TUT4: variants seen among roughly 807,000 people sequenced by gnomAD.
TUT4 encodes terminal uridylyl transferase 4.
In TUT4, 36 loss-of-function variants were observed where a neutral mutation model predicts 192.2. That is an observed-to-expected ratio of 0.19 (90% CI 0.14 to 0.25). The LOEUF (loss-of-function observed/expected upper bound fraction) is 0.25, where lower values mean the gene tolerates loss of function less well. Ranked by LOEUF, TUT4 falls within the 10% of genes least tolerant of loss-of-function variation. TUT4 has a pLI of 1.00. For missense variants in TUT4, 1,493 were observed against 1,957.2 expected (o/e 0.76, Z 4.47); for synonymous variants, 618 against 666.0 (o/e 0.93, Z 1.11).
intron 4 of TUT4, among the ~76,000 whole-genome samples, chr1:52,506,628 C>T (rs538576961): frequency 3.3e-5 from 5 of 152,148 alleles, no homozygotes; most frequent in South Asian, 2.1e-4. Context: ...TCTTAGATGT[C>T]GTAGTTTTCG....
At chr1:52,461,103 C>T (rs770973932) in intron 19 of TUT4, 31 bp downstream of exon 19, 3 of 1,490,562 alleles carry the variant, frequency 2.0e-6, no homozygotes, top group South Asian at 1.3e-5. Flanking sequence ...TTATCATGAA[C>T]AAAGCAGATC....
chr1:52,509,484 T>C (rs1676514288), intron 4 of TUT4, 112 bp downstream of exon 4: 1 of 688,290 alleles, frequency 1.5e-6, no homozygotes, highest in Non-Finnish European at 2.4e-6. Context: ...TCACTTCAGT[T>C]ACCAATATAA....
At chr1:52,505,845 G>A (rs764647547) in intron 4 of TUT4, among the ~76,000 whole-genome samples, 2 of 150,496 alleles carry the variant, frequency 1.3e-5, no homozygotes, top group Non-Finnish European at 3.0e-5. Flanking sequence ...TTTTGTTTTT[G>A]TTGTTTTTTG....
intron 12 of TUT4, among the ~76,000 whole-genome samples, chr1:52,476,303 A>C (rs928959419): frequency 6.6e-6 from 1 of 152,218 alleles, no homozygotes; most frequent in African/African-American, 2.4e-5. Flanking sequence ...AGAGCAAAAA[A>C]GCAAGAAACC....
At chr1:52,525,437 T>C in intron 2 of TUT4, 126 bp downstream of exon 2, 4 of 1,257,170 alleles carry the variant, frequency 3.2e-6, no homozygotes, top group East Asian at 2.6e-5. Context: ...AATGTGGATG[T>C]TTTCATACGG....
chr1:52,450,325 A>G (rs556992388), intron 20 of TUT4, among the ~76,000 whole-genome samples: 1 of 152,346 alleles, frequency 6.6e-6, no homozygotes, highest in African/African-American at 2.4e-5. Context: ...CCATTAAAAA[A>G]GGCCAGAAAC....
chr1:52,472,174 A>T, intron 13 of TUT4, 72 bp from the exon 14 acceptor site: 10 of 1,398,508 alleles, frequency 7.2e-6, no homozygotes, highest in Non-Finnish European at 9.7e-6. Context: ...AGTGAATTCA[A>T]AACAAATCTT....
chr1:52,521,037 G>A (rs71653041), intron 2 of TUT4, among the ~76,000 whole-genome samples: 10 of 152,000 alleles, frequency 6.6e-5, no homozygotes, highest in African/African-American at 1.9e-4. Flanking sequence ...CAGGTGATCC[G>A]CCTGCCTCGG....
intron 1 of TUT4, among the ~76,000 whole-genome samples, chr1:52,528,881 A>T (rs1682577325): frequency 6.6e-6 from 1 of 151,038 alleles, no homozygotes; most frequent in East Asian, 1.9e-4. Flanking sequence ...CACCTGGCTA[A>T]TTTTTTTTTG....
chr1:52,494,482 A>G (rs1671969924), intron 6 of TUT4, among the ~76,000 whole-genome samples: 1 of 152,210 alleles, frequency 6.6e-6, no homozygotes, highest in African/African-American at 2.4e-5. Context: ...ACCTGAGGTC[A>G]GGAGTTCAAC....
intron 20 of TUT4, among the ~76,000 whole-genome samples, chr1:52,455,739 G>C (rs975481899): frequency 6.6e-6 from 1 of 151,124 alleles, no homozygotes; most frequent in African/African-American, 2.4e-5. Context: ...AGGAAAGAAA[G>C]AAAGACTACT....
At chr1:52,435,137 AAG>A (rs1653356529) in intron 27 of TUT4, 2 of 324,514 alleles carry the variant, frequency 6.2e-6, no homozygotes, top group Non-Finnish European at 5.6e-6. Context: ...TGTACAATTG[AAG>A]AGTAGGCTCA....
intron 1 of TUT4, chr1:52,534,987 C>T (rs1039210923): frequency 6.6e-6 from 1 of 152,100 alleles, no homozygotes; most frequent in Non-Finnish European, 1.5e-5. Flanking sequence ...TTTTACTGAC[C>T]TGTTTTTTTC....
intron 7 of TUT4, among the ~76,000 whole-genome samples, chr1:52,491,472 G>A (rs1217838677): frequency 1.3e-5 from 2 of 151,934 alleles, no homozygotes; most frequent in Non-Finnish European, 2.9e-5. Flanking sequence ...GGTGGATCAC[G>A]AGGTCAGGAG....
At chr1:52,463,554 C>T in intron 16 of TUT4, 1 of 1,199,592 alleles carries the variant, frequency 8.3e-7, no homozygotes, top group Non-Finnish European at 1.1e-6. Context: ...AGAGGCGATA[C>T]TGACACCACT....
intron 11 of TUT4, among the ~76,000 whole-genome samples, chr1:52,479,614 G>C (rs532291304): frequency 2.0e-5 from 3 of 152,262 alleles, no homozygotes; most frequent in Admixed American, 2.0e-4. Flanking sequence ...AAAGGATGCA[G>C]TGCAAACAAT....
At chr1:52,438,142 T>C in intron 25 of TUT4, 78 bp downstream of exon 25, 4 of 1,154,362 alleles carry the variant, frequency 3.5e-6, no homozygotes, top group East Asian at 2.4e-5. Context: ...CAGTTAAACA[T>C]TTCTGAACAT....
At chr1:52,446,180 C>G (rs1657468069) in intron 22 of TUT4, 85 bp downstream of exon 22, 2 of 1,420,272 alleles carry the variant, frequency 1.4e-6, no homozygotes, top group Non-Finnish European at 1.9e-6. Flanking sequence ...AAGAATCTTC[C>G]AAATCCTAAT....
rs1311472114 is a variant in TUT4 at position 52,475,401 on chromosome 1, C to T, written c.2158G>A (p.Val720Met). ...PQTKGGNKST[V>M]DFKKREKGKI... ...CCCTTCTCTCTTTTCTTGAAATCCA[C>T]TGTAGACTTATTTCCACCCTTCGTC... The change falls in exon 13 of 30, where the codon GTG becomes ATG. Residue 720 changes from valine to methionine, a missense_variant. Transcript: ENST00000257177. The T allele has an allele frequency of 6.2e-7, 1 of 1,614,014 alleles. No homozygotes were observed. The highest frequency in any genetic ancestry group is 8.5e-7 in the Non-Finnish European group (1 of 1,180,036).
Sources: gnomAD v4.1 joint callset for allele counts (sites outside exome capture counted in the v4.1 genomes callset) on GRCh38, gnomAD v4.1.1 for gene constraint, MANE v1.5 for transcripts, NCBI Gene and HGNC (gene_info 2026-07-23, HGNC 2026-07-21) for gene names.